The following DGAT2L6 variants were observed in gnomAD, a reference collection of about 807,000 sequenced individuals.
DGAT2L6 encodes diacylglycerol O-acyltransferase 2-like protein 6.
DGAT2L6 carries 22 observed loss-of-function variants against 25.5 expected under a neutral mutation model. The observed-to-expected ratio is 0.86, with a 90% CI of 0.62 to 1.23. The LOEUF is 1.23. Ranked by LOEUF, DGAT2L6 falls within the 50% of genes most tolerant of loss-of-function variation. The probability of loss-of-function intolerance (pLI) is 0.00; values close to 1 mark genes in which losing one functional copy is unlikely to be tolerated. For synonymous variants in DGAT2L6, 100 were observed against 94.7 expected, an observed-to-expected ratio of 1.06 and a Z score of -0.32; for missense variants, 287 against 253.2, an observed-to-expected ratio of 1.13 and a Z score of -0.91.
rs376345103 is a variant in DGAT2L6 at position 70,199,843 on chromosome X, G to T, written c.228G>T (p.Trp76Cys). 3.3e-6 allele frequency: 4 copies of T among 1,209,110 alleles called. No homozygotes were observed. The highest frequency in any genetic ancestry group is 4.5e-6 in the Non-Finnish European group (4 of 894,998). Reference protein sequence around the residue: ...GGRRSAWVRNWTLWKYFRNYF... With the variant: ...GGRRSAWVRNCTLWKYFRNYF... ...GGCGTTCAGCTTGGGTACGAAACTG[G>T]ACCCTATGGAAGTATTTCCGAAATT... Residue 76 changes from tryptophan (W) to cysteine (C), a missense_variant, in exon 3 of 7, where the codon TGG (tryptophan) becomes TGT (cysteine). Transcript: ENST00000333026.
intron 1 of DGAT2L6, among the ~76,000 whole-genome samples, chrX:70,193,526 C>A (rs138159363): frequency 9.0e-6 from 1 of 111,355 alleles, no homozygotes; most frequent in Non-Finnish European, 1.9e-5. Context: ...CCAAATTCAA[C>A]AGCACATTAA....
rs1178064541 is a variant in DGAT2L6 at position 70,193,952 on chromosome X, T to A, written c.86-5319T>A. Among the ~76,000 whole-genome samples the A allele has an allele frequency of 3.6e-5, 4 of 112,126 alleles. No individual in the cohort carries two copies. The Admixed American group carries it at 3.8e-4, about 11-fold the overall frequency. Reference sequence around the variant, plus strand: ...GCATCTAAATTGGAAAGAAAAAAGTTAAATTGTCTCTGTTAGCAGATGACA... The same window carrying A: ...GCATCTAAATTGGAAAGAAAAAAGTAAAATTGTCTCTGTTAGCAGATGACA... On this transcript the variant is annotated intron_variant, in intron 1 of 6. Coordinates refer to ENST00000333026, the MANE Select transcript of DGAT2L6 (RefSeq NM_198512.3).
In DGAT2L6 at chrX:70,198,571, C is replaced by G. The variant is rs781480162; in HGVS notation, c.86-700C>G. ...TTGTTTTGTTTTTTCAAGACGGAGT[C>G]TTGCTCTGTTGCCCAGGCTGGAGTG... On this transcript the variant is annotated intron_variant, in intron 1 of 6. Transcript: ENST00000333026. Among the ~76,000 whole-genome samples, 4 of 111,070 alleles carry G rather than the reference C, an allele frequency of 3.6e-5. No individual in the cohort carries two copies. The South Asian group carries it at 1.1e-3, about 32-fold the overall frequency.
intron 5 of DGAT2L6, among the ~76,000 whole-genome samples, chrX:70,203,796 T>C (rs761116828): frequency 9.0e-5 from 10 of 110,584 alleles, no homozygotes; most frequent in Non-Finnish European, 1.7e-4. Flanking sequence ...ATGAGCCACA[T>C]AAAGACAGAG....
intron 1 of DGAT2L6, among the ~76,000 whole-genome samples, chrX:70,192,223 G>A: frequency 8.9e-6 from 1 of 112,008 alleles, no homozygotes; most frequent in Middle Eastern, 4.6e-3. Flanking sequence ...CTGCACTTCA[G>A]CATAGGTGAC....
chrX:70,196,502 AG>A (rs201675145), intron 1 of DGAT2L6, among the ~76,000 whole-genome samples: 49 of 103,085 alleles, frequency 4.8e-4, no homozygotes, highest in Non-Finnish European at 7.0e-4. Context: ...AAAAAAAAAA[AG>A]AAAGAAAAAA....
At chrX:70,182,690 G>A (rs1216139133) in intron 1 of DGAT2L6, among the ~76,000 whole-genome samples, 1 of 109,629 alleles carries the variant, frequency 9.1e-6, no homozygotes, top group Non-Finnish European at 1.9e-5. Flanking sequence ...GTCTCGCTCT[G>A]TCGCCCAGGC....
intron 1 of DGAT2L6, among the ~76,000 whole-genome samples, chrX:70,191,307 G>T (rs1328044221): frequency 2.7e-5 from 3 of 111,242 alleles, no homozygotes; most frequent in Non-Finnish European, 5.7e-5. Flanking sequence ...GTTTAATAAA[G>T]AAATAAAAAC....
intron 6 of DGAT2L6, 45 bp from the exon 7 acceptor site, chrX:70,204,907 G>A (rs1405086290): frequency 8.8e-7 from 1 of 1,136,789 alleles, no homozygotes; most frequent in Admixed American, 2.9e-5. Flanking sequence ...AGTAGTTTGA[G>A]TTGAGGGGGG....
intron 1 of DGAT2L6, among the ~76,000 whole-genome samples, chrX:70,198,124 A>C (rs2147608829): frequency 8.9e-6 from 1 of 112,620 alleles, no homozygotes; most frequent in African/African-American, 3.2e-5. Context: ...GTACCTGGTC[A>C]AAGAAGTCAT....
intron 1 of DGAT2L6, among the ~76,000 whole-genome samples, chrX:70,180,991 G>A: frequency 8.9e-6 from 1 of 112,262 alleles, no homozygotes; most frequent in South Asian, 3.7e-4. Flanking sequence ...TGGCTATTGT[G>A]AGTAATGTTG....
At chrX:70,199,081 C>T (rs1329062322) in intron 1 of DGAT2L6, among the ~76,000 whole-genome samples, 190 bp from the exon 2 acceptor site, 1 of 111,673 alleles carries the variant, frequency 9.0e-6, no homozygotes, top group Non-Finnish European at 1.9e-5. Flanking sequence ...GATCCAGGGG[C>T]TTCAGAGGCC....
chrX:70,200,323 C>G lies in DGAT2L6; in HGVS notation c.336C>G (p.Leu112=). 8.3e-7 allele frequency: 1 copy of G among 1,211,701 alleles called. No homozygotes were observed. The highest frequency in any genetic ancestry group is 1.1e-6 in the Non-Finnish European group (1 of 895,353). Residue 112 remains leucine (L), a synonymous_variant, in exon 4 of 7, where the codon CTC becomes CTG. Transcript: ENST00000333026. ...YIIANHPHGI[L]SFGVFINFAT... is the part of the protein sequence containing the mutation. ...TTGCCAATCACCCCCATGGCATTCTCTCTTTTGGTGTCTTCATCAACTTTG... is the reference window on the plus strand; with the variant it reads ...TTGCCAATCACCCCCATGGCATTCTGTCTTTTGGTGTCTTCATCAACTTTG...
At chrX:70,184,060 G>T (rs752690782) in intron 1 of DGAT2L6, among the ~76,000 whole-genome samples, 1 of 110,726 alleles carries the variant, frequency 9.0e-6, no homozygotes, top group Non-Finnish European at 1.9e-5. Flanking sequence ...AATAAAAATA[G>T]AACATAGTCT....
chrX:70,180,081 A>G (rs1265330039), intron 1 of DGAT2L6, among the ~76,000 whole-genome samples: 1 of 110,760 alleles, frequency 9.0e-6, no homozygotes, highest in Non-Finnish European at 1.9e-5. Flanking sequence ...CCAAATCTCA[A>G]CGGTTTCTAG....
At position 70,199,794 on chromosome X, in the gene DGAT2L6, T is replaced by C; in HGVS notation, c.197-18T>C. The stretch of plus-strand genomic sequence containing the variant: ...TGCAATGCCCTGTGTACTCTTCCCT[T>C]CCCTTCTGTACCCACAGGTGGCAGG... On this transcript the variant is annotated intron_variant, in intron 2 of 6. Transcript: ENST00000333026. The C allele has an allele frequency of 4.1e-6, 5 of 1,207,169 alleles. No individual in the cohort carries two copies. Among genetic ancestry groups the C allele is most frequent in the Non-Finnish European group, 5.6e-6 (5 of 891,939 alleles).
At chrX:70,200,563 A>T (rs764320654) in intron 4 of DGAT2L6, 104 bp downstream of exon 4, 1 of 784,753 alleles carries the variant, frequency 1.3e-6, no homozygotes, top group Non-Finnish European at 1.8e-6. Context: ...ATGATAGAAA[A>T]TAAGTCCAGG....
chrX:70,190,024 T>A (rs2085370912), intron 1 of DGAT2L6, among the ~76,000 whole-genome samples: 1 of 112,125 alleles, frequency 8.9e-6, no homozygotes, highest in African/African-American at 3.2e-5. Context: ...AATTATACCA[T>A]CTGATTTTGA....
At chrX:70,185,125 T>C (rs1013846374) in intron 1 of DGAT2L6, among the ~76,000 whole-genome samples, 2 of 111,415 alleles carry the variant, frequency 1.8e-5, no homozygotes, top group Non-Finnish European at 3.8e-5. Flanking sequence ...CCTTCCCAGC[T>C]TCATCTCCTG....
Sources: gnomAD v4.1 joint callset for allele counts (sites outside exome capture counted in the v4.1 genomes callset) on GRCh38, gnomAD v4.1.1 for gene constraint, MANE v1.5 for transcripts, NCBI Gene and HGNC (gene_info 2026-07-23, HGNC 2026-07-21) for gene names.